Variants in ERI3 observed in about 807,000 individuals in gnomAD.
ERI3 encodes the protein ERI1 exoribonuclease 3.
A neutral mutation model predicts 44.4 loss-of-function variants in ERI3; 18 were observed. That is an observed-to-expected ratio of 0.41 (90% confidence interval 0.28 to 0.60). The LOEUF (loss-of-function observed/expected upper bound fraction) is 0.60, where lower values mean the gene tolerates loss of function less well. ERI3 is among the 20% of genes least tolerant of loss of function. The pLI is 0.36. For missense variants in ERI3, 294 were observed against 435.5 expected, an observed-to-expected ratio of 0.68 and a Z score of 2.89; for synonymous variants, 183 against 164.8, an observed-to-expected ratio of 1.11 and a Z score of -0.84.
At chr1:44,260,250 G>A (rs575202195) in intron 7 of ERI3, among the ~76,000 whole-genome samples, 1 of 152,384 alleles carries the variant, frequency 6.6e-6, no homozygotes, top group African/African-American at 2.4e-5. Flanking sequence ...GAGACCCACA[G>A]TAGGGATTGA....
chr1:44,295,449 G>A (rs1645590693), intron 6 of ERI3, among the ~76,000 whole-genome samples: 1 of 152,080 alleles, frequency 6.6e-6, no homozygotes, highest in Non-Finnish European at 1.5e-5. Flanking sequence ...TGATCACTTG[G>A]CAGTCCCCAT....
At chr1:44,261,828 C>T (rs2154320140) in intron 7 of ERI3, among the ~76,000 whole-genome samples, 1 of 152,344 alleles carries the variant, frequency 6.6e-6, no homozygotes, top group East Asian at 1.9e-4. Context: ...ACCCACCTGG[C>T]CCTTGGCAGA....
At chr1:44,345,531 T>C (rs1194242885) in intron 2 of ERI3, among the ~76,000 whole-genome samples, 46 of 152,160 alleles carry the variant, frequency 3.0e-4, no homozygotes, top group Non-Finnish European at 2.9e-5. Flanking sequence ...TCAGTCCTGG[T>C]GTAAGTCCCC....
chr1:44,274,975 C>T (rs1364660003), intron 7 of ERI3, among the ~76,000 whole-genome samples: 1 of 152,136 alleles, frequency 6.6e-6, no homozygotes, highest in East Asian at 1.9e-4. Context: ...GCCCACTGCC[C>T]CATGGACAAT....
intron 1 of ERI3, chr1:44,354,683 T>TC (rs766446167): frequency 1.0e-6 from 1 of 985,370 alleles, no homozygotes; most frequent in Non-Finnish European, 1.2e-6. Flanking sequence ...TCCCAGTAAG[T>TC]CAACCCCCTT....
chr1:44,318,707 T>C (rs1426208580), intron 4 of ERI3, among the ~76,000 whole-genome samples: 1 of 152,220 alleles, frequency 6.6e-6, no homozygotes, highest in Non-Finnish European at 1.5e-5. Flanking sequence ...GGAGACTGTT[T>C]GGGATAACTC....
intron 6 of ERI3, among the ~76,000 whole-genome samples, chr1:44,298,731 A>G (rs1475665143): frequency 6.6e-6 from 1 of 152,158 alleles, no homozygotes; most frequent in Non-Finnish European, 1.5e-5. Flanking sequence ...CCTGGGCTAC[A>G]TGGCAAAACC....
chr1:44,288,510 G>A (rs1197499343), intron 6 of ERI3, among the ~76,000 whole-genome samples: 1 of 152,218 alleles, frequency 6.6e-6, no homozygotes, highest in Non-Finnish European at 1.5e-5. Flanking sequence ...CCAGCTTAGA[G>A]AGGATCAAGA....
At chr1:44,245,925 C>A (rs1644546542) in intron 8 of ERI3, among the ~76,000 whole-genome samples, 1 of 152,204 alleles carries the variant, frequency 6.6e-6, no homozygotes, top group African/African-American at 2.4e-5. Flanking sequence ...CCTTTCCCAT[C>A]ACTCTTTCAT....
intron 8 of ERI3, among the ~76,000 whole-genome samples, chr1:44,247,033 A>G (rs998822764): frequency 6.6e-6 from 1 of 152,184 alleles, no homozygotes; most frequent in Admixed American, 6.5e-5. Flanking sequence ...CTGCATGCAC[A>G]CATGTGCATA....
chr1:44,304,147 T>C (rs921132167), intron 6 of ERI3, among the ~76,000 whole-genome samples: 3 of 151,902 alleles, frequency 2.0e-5, no homozygotes, highest in African/African-American at 7.2e-5. Context: ...GACGTCTAGG[T>C]GGAGATGTAG....
At chr1:44,242,031 G>GT in intron 8 of ERI3, 2 of 985,692 alleles carry the variant, frequency 2.0e-6, no homozygotes, top group Non-Finnish European at 2.4e-6. Context: ...CAGGAAGGAA[G>GT]GAGCCAGCAC....
chr1:44,318,234 T>C lies in ERI3; in HGVS notation c.606+1394A>G, dbSNP rs781649232. Among the ~76,000 whole-genome samples, 17 of 152,182 alleles carry C rather than the reference T, an allele frequency of 1.1e-4. 1 individual carries two copies. Among genetic ancestry groups the C allele is most frequent in the Non-Finnish European group, 2.5e-4 (17 of 68,030 alleles). ...GAATACTGTTACATTCCTAAACAGG[T>C]AGCAAACTTACTAAAATTTGGGCCT... On this transcript the variant is annotated intron_variant, in intron 4 of 8. Transcript: ENST00000372257.
chr1:44,232,094 C>CT lies in ERI3; in HGVS notation c.932-10455dup, dbSNP rs1644198428. Among the ~76,000 whole-genome samples the CT allele has an allele frequency of 2.6e-5, 4 of 152,248 alleles. No individual in the cohort carries two copies. The South Asian group carries it at 8.3e-4, about 32-fold the overall frequency. On this transcript the variant is annotated intron_variant, in intron 8 of 8. Coordinates refer to ENST00000372257, the MANE Select transcript of ERI3 (RefSeq NM_024066.3). The stretch of plus-strand genomic sequence containing the variant: ...TTAGGATCGCCTTACCGCCAAATTT[C>CT]TTTTGTGAGATAATAAATCCCCTTA...
At chr1:44,224,121 C>A (rs778166035) in intron 8 of ERI3, among the ~76,000 whole-genome samples, 1 of 152,158 alleles carries the variant, frequency 6.6e-6, no homozygotes, top group Non-Finnish European at 1.5e-5. Flanking sequence ...TATGAACTTA[C>A]GCAGATTTTC....
intron 7 of ERI3, among the ~76,000 whole-genome samples, chr1:44,261,711 T>G (rs958249203): frequency 6.6e-6 from 1 of 152,228 alleles, no homozygotes; most frequent in African/African-American, 2.4e-5. Context: ...CCTGCACTTT[T>G]GTTCAAATTC....
rs1645818468 is a variant in ERI3, at chr1:44,305,715, C to A, written c.758+2595G>T. Among the ~76,000 whole-genome samples the A allele has an allele frequency of 2.6e-5, 4 of 152,242 alleles. No individual in the cohort carries two copies. The South Asian group carries it at 8.3e-4, about 32-fold the overall frequency. ...ATTTCTCAGTGCCCCACTTATCAGC[C>A]CCTTTCCAACAAAAGTGATGTGAAG... On this transcript the variant is annotated intron_variant, in intron 6 of 8. Transcript: ENST00000372257.
At chr1:44,344,959 G>A (rs371981620) in intron 2 of ERI3, among the ~76,000 whole-genome samples, 3 of 152,324 alleles carry the variant, frequency 2.0e-5, no homozygotes, top group African/African-American at 7.2e-5. Context: ...CAGAGCCCCT[G>A]GAGGATGGTC....
chr1:44,322,631 T>A, intron 3 of ERI3: 1 of 1,417,820 alleles, frequency 7.1e-7, no homozygotes, highest in Non-Finnish European at 9.3e-7. Flanking sequence ...ACTGGCATAT[T>A]CACTTGAGCT....
Sources: gnomAD v4.1 joint callset for allele counts (sites outside exome capture counted in the v4.1 genomes callset) on GRCh38, gnomAD v4.1.1 for gene constraint, MANE v1.5 for transcripts, NCBI Gene and HGNC (gene_info 2026-07-23, HGNC 2026-07-21) for gene names.